Variants in LDHC observed in about 807,000 individuals in gnomAD.
LDHC encodes the protein L-lactate dehydrogenase C chain.
LDHC carries 20 observed loss-of-function variants against 30.2 expected under a neutral mutation model. That is an observed-to-expected ratio of 0.66 (90% CI 0.47 to 0.96). The LOEUF (loss-of-function observed/expected upper bound fraction) is 0.96, where lower values mean the gene tolerates loss of function less well. Among genes scored for constraint, LDHC ranks in the 40% least tolerant of loss-of-function variants. LDHC has a pLI of 0.00. For missense variants in LDHC, 362 were observed against 394.9 expected (o/e 0.92, Z 0.71); for synonymous variants, 139 against 132.7 (o/e 1.05, Z -0.32).
At chr11:18,413,136 C>T (rs1284118810) in intron 2 of LDHC, among the ~76,000 whole-genome samples, 3 of 151,232 alleles carry the variant, frequency 2.0e-5, no homozygotes, top group Admixed American at 6.6e-5. Flanking sequence ...GGTTGGAGTG[C>T]AGTGGCGCGA....
At chr11:18,425,897 C>T (rs530453802) in intron 3 of LDHC, among the ~76,000 whole-genome samples, 25 of 151,524 alleles carry the variant, frequency 1.6e-4, no homozygotes, top group African/African-American at 5.1e-4. Flanking sequence ...GCCGAGATCG[C>T]GCCACTGCAC....
chr11:18,420,573 T>C (rs1305667374), intron 3 of LDHC, among the ~76,000 whole-genome samples: 1 of 144,262 alleles, frequency 6.9e-6, no homozygotes, highest in African/African-American at 2.6e-5. Context: ...AAGCTGGGCC[T>C]GGTAGCAGGC....
chr11:18,437,818 A>T (rs1848383531), intron 5 of LDHC, among the ~76,000 whole-genome samples: 1 of 151,860 alleles, frequency 6.6e-6, no homozygotes, highest in Admixed American at 6.6e-5. Context: ...TAATCCCAGC[A>T]CTTTTGGAGG....
At chr11:18,421,383 T>C (rs73436666) in intron 3 of LDHC, among the ~76,000 whole-genome samples, 23,244 of 151,618 alleles carry the variant, frequency 0.15, 2,008 homozygotes, top group African/African-American at 0.23. Context: ...TTTAAAGAGG[T>C]GAGGTGTAGG....
At chr11:18,435,343 G>A (rs910999335) in intron 5 of LDHC, among the ~76,000 whole-genome samples, 1 of 152,030 alleles carries the variant, frequency 6.6e-6, no homozygotes, top group African/African-American at 2.4e-5. Flanking sequence ...AACACCATCT[G>A]CCTTAGTACT....
chr11:18,419,814 A>G (rs1867086095), intron 3 of LDHC, among the ~76,000 whole-genome samples: 1 of 152,336 alleles, frequency 6.6e-6, no homozygotes, highest in South Asian at 2.1e-4. Context: ...CAATGGAGCC[A>G]GGCATAGTGG....
intron 4 of LDHC, among the ~76,000 whole-genome samples, chr11:18,433,246 C>T (rs1011464618): frequency 6.6e-6 from 1 of 151,960 alleles, no homozygotes; most frequent in African/African-American, 2.4e-5. Context: ...ATTAGCTGGG[C>T]ATGGTCGTGG....
chr11:18,425,296 C>T (rs1223971799), intron 3 of LDHC, among the ~76,000 whole-genome samples: 1 of 152,092 alleles, frequency 6.6e-6, no homozygotes, highest in Non-Finnish European at 1.5e-5. Context: ...GCAGTCCTCC[C>T]ACCTCAGCCT....
At chr11:18,420,420 C>G (rs73436655) in intron 3 of LDHC, among the ~76,000 whole-genome samples, 22,693 of 151,890 alleles carry the variant, frequency 0.15, 1,883 homozygotes, top group African/African-American at 0.21. Context: ...TCAGAGAGAA[C>G]ATAAATTACC....
intron 3 of LDHC, among the ~76,000 whole-genome samples, chr11:18,418,527 T>G (rs529990118): frequency 8.6e-5 from 13 of 152,020 alleles, no homozygotes; most frequent in African/African-American, 3.1e-4. Context: ...CCTCCCAGGT[T>G]CAAGAGATTC....
chr11:18,445,841 C>T (rs1848544564), intron 6 of LDHC, among the ~76,000 whole-genome samples: 2 of 151,968 alleles, frequency 1.3e-5, no homozygotes, highest in South Asian at 4.2e-4. Context: ...CATGGTGGCT[C>T]ATGCCTGTAC....
chr11:18,450,163 A>G (rs1848631007), intron 7 of LDHC: 2 of 152,656 alleles, frequency 1.3e-5, no homozygotes, highest in Admixed American at 1.3e-4. Context: ...GGAGGCTGGT[A>G]CCTATGCATG....
intron 6 of LDHC, among the ~76,000 whole-genome samples, chr11:18,440,144 C>CAAAAAAAAAAAAA (rs35749455): frequency 1.2e-5 from 1 of 83,058 alleles, no homozygotes; most frequent in African/African-American, 4.1e-5. Context: ...TACTAAAATA[C>CAAAAAAAAAAAAA]AAAAAAAAAA....
intron 4 of LDHC, among the ~76,000 whole-genome samples, chr11:18,433,220 T>C (rs1263909027): frequency 6.6e-6 from 1 of 151,996 alleles, no homozygotes; most frequent in African/African-American, 2.4e-5. Context: ...ACCCTGTCTC[T>C]ACTAAAAACA....
chr11:18,429,753 A>T lies in LDHC; in HGVS notation c.261A>T (p.Ala87=). The change falls in exon 4 of 8, where the codon GCA becomes GCT. Residue 87 remains alanine (A), a synonymous_variant. Transcript: ENST00000541669. ...ITSGKDYSVS[A]NSRIVIVTAG... is the part of the protein sequence containing the mutation. ...CCTTTTTAGATTACAGTGTATCTGCAAACTCCAGAATAGTTATTGTCACAG... is the reference window on the plus strand; with the variant it reads ...CCTTTTTAGATTACAGTGTATCTGCTAACTCCAGAATAGTTATTGTCACAG... The T allele has an allele frequency of 6.2e-7, 1 of 1,603,818 alleles. No individual in the cohort carries two copies. Among genetic ancestry groups the T allele is most frequent in the Non-Finnish European group, 8.5e-7 (1 of 1,172,944 alleles).
At chr11:18,416,512 C>T (rs943080488) in intron 3 of LDHC, among the ~76,000 whole-genome samples, 18 of 152,158 alleles carry the variant, frequency 1.2e-4, no homozygotes, top group Non-Finnish European at 2.1e-4. Flanking sequence ...AGGCAGTTAC[C>T]TAATTTAAAC....
At chr11:18,425,336 T>A (rs891583648) in intron 3 of LDHC, among the ~76,000 whole-genome samples, 1 of 152,132 alleles carries the variant, frequency 6.6e-6, no homozygotes, top group African/African-American at 2.4e-5. Flanking sequence ...TAGATGTTTA[T>A]TGTGCAGTTT....
intron 3 of LDHC, among the ~76,000 whole-genome samples, chr11:18,429,114 G>GTAT (rs1848217476): frequency 1.0e-5 from 1 of 97,364 alleles, no homozygotes. Context: ...ATTCATTTTG[G>GTAT]TCTTTTTTTT....
intron 7 of LDHC, chr11:18,450,361 G>C (rs1212043001): frequency 6.5e-6 from 1 of 152,818 alleles, no homozygotes; most frequent in Non-Finnish European, 1.5e-5. Context: ...TAGAACTCAG[G>C]CGGAGGTAGT....
Sources: allele counts gnomAD v4.1 joint callset (sites outside exome capture counted in the v4.1 genomes callset), GRCh38; gene constraint gnomAD v4.1.1; transcripts MANE v1.5; gene names NCBI Gene and HGNC (gene_info 2026-07-23, HGNC 2026-07-21).